The following TAFA1 variants were observed in gnomAD, a reference collection of about 807,000 sequenced individuals.
The protein encoded by TAFA1 is chemokine-like protein TAFA-1.
In TAFA1, 4 loss-of-function variants were observed where a neutral mutation model predicts 18.5. That is an observed-to-expected ratio of 0.22 (90% CI 0.11 to 0.49). The LOEUF is 0.49. Ranked by LOEUF, TAFA1 falls within the 20% of genes least tolerant of loss-of-function variation. The pLI, the probability that TAFA1 is intolerant of heterozygous loss-of-function variation, is 0.98. For missense variants in TAFA1, 147 were observed against 169.0 expected, an observed-to-expected ratio of 0.87 and a Z score of 0.72; for synonymous variants, 56 against 55.2, an observed-to-expected ratio of 1.01 and a Z score of -0.06.
At chr3:68,338,352 G>C (rs2069012898) in intron 2 of TAFA1, among the ~76,000 whole-genome samples, 1 of 152,100 alleles carries the variant, frequency 6.6e-6, no homozygotes, top group Non-Finnish European at 1.5e-5. Flanking sequence ...AGGTGGTTTT[G>C]TTTTATTAGT....
intron 2 of TAFA1, among the ~76,000 whole-genome samples, chr3:68,302,663 G>C (rs947982865): frequency 6.6e-6 from 1 of 151,784 alleles, no homozygotes; most frequent in Non-Finnish European, 1.5e-5. Context: ...GGTATCGAAG[G>C]TGCTAACTAA....
intron 2 of TAFA1, among the ~76,000 whole-genome samples, chr3:68,088,246 C>T (rs2064993661): frequency 6.6e-6 from 1 of 152,182 alleles, no homozygotes; most frequent in South Asian, 2.1e-4. Context: ...ATATAGCAAT[C>T]ATACTGTCAG....
intron 2 of TAFA1, among the ~76,000 whole-genome samples, chr3:68,066,072 G>C (rs1456933865): frequency 6.6e-6 from 1 of 152,108 alleles, no homozygotes; most frequent in Non-Finnish European, 1.5e-5. Context: ...TTACTTGGGA[G>C]GGGGTTGGAT....
intron 2 of TAFA1, among the ~76,000 whole-genome samples, chr3:68,058,074 T>C (rs1227929571): frequency 1.3e-5 from 2 of 152,192 alleles, no homozygotes; most frequent in Non-Finnish European, 2.9e-5. Flanking sequence ...GTGTAAAGGA[T>C]GACAATCATC....
At chr3:68,069,031 G>A (rs1184274869) in intron 2 of TAFA1, among the ~76,000 whole-genome samples, 3 of 152,170 alleles carry the variant, frequency 2.0e-5, no homozygotes, top group Non-Finnish European at 4.4e-5. Flanking sequence ...TTTTTGGATG[G>A]TTTTAAGAAA....
chr3:68,141,013 C>A (rs1389958885), intron 2 of TAFA1, among the ~76,000 whole-genome samples: 3 of 152,148 alleles, frequency 2.0e-5, no homozygotes, highest in Non-Finnish European at 4.4e-5. Flanking sequence ...AATGACATGG[C>A]AGAAATTTTC....
chr3:68,130,523 A>G (rs940337585), intron 2 of TAFA1, among the ~76,000 whole-genome samples: 1 of 152,116 alleles, frequency 6.6e-6, no homozygotes, highest in African/African-American at 2.4e-5. Flanking sequence ...CAGTAATCAA[A>G]TTACTCTCCA....
chr3:68,512,848 T>C (rs929973549), intron 3 of TAFA1, among the ~76,000 whole-genome samples: 11 of 152,130 alleles, frequency 7.2e-5, no homozygotes, highest in Non-Finnish European at 1.6e-4. Context: ...AACTATTAAT[T>C]TAAACCTTGA....
chr3:68,386,465 G>A (rs2070106735), intron 2 of TAFA1, among the ~76,000 whole-genome samples: 3 of 152,170 alleles, frequency 2.0e-5, no homozygotes, highest in Middle Eastern at 3.4e-3. Flanking sequence ...TATTTGAAAA[G>A]TCCACATTTG....
intron 2 of TAFA1, among the ~76,000 whole-genome samples, chr3:68,007,020 C>G (rs1010363416): frequency 6.6e-6 from 1 of 152,160 alleles, no homozygotes; most frequent in Non-Finnish European, 1.5e-5. Context: ...TTTTTGGATG[C>G]TTTGGCCAAT....
At chr3:68,445,029 G>A (rs781402578) in intron 3 of TAFA1, among the ~76,000 whole-genome samples, 5 of 151,714 alleles carry the variant, frequency 3.3e-5, no homozygotes, top group Non-Finnish European at 5.9e-5. Context: ...AAAGAATATG[G>A]ACAGTTATCT....
At chr3:68,000,457 T>C (rs1430533662), upstream of TAFA1, among the ~76,000 whole-genome samples, 4 of 152,226 alleles carry the variant, frequency 2.6e-5, no homozygotes, top group Admixed American at 6.5e-5. Flanking sequence ...TTCTCCATCC[T>C]ATTCAAGGAT....
chr3:68,405,160 G>A (rs960161434), intron 2 of TAFA1, among the ~76,000 whole-genome samples: 2 of 152,044 alleles, frequency 1.3e-5, no homozygotes, highest in South Asian at 2.1e-4. Context: ...GAGTTTGTTT[G>A]TAATCACCAC....
intron 3 of TAFA1, among the ~76,000 whole-genome samples, chr3:68,438,861 A>T (rs2071312892): frequency 6.6e-6 from 1 of 152,110 alleles, no homozygotes; most frequent in Non-Finnish European, 1.5e-5. Context: ...AGCCACAGCT[A>T]GGATGGCCAC....
intron 2 of TAFA1, among the ~76,000 whole-genome samples, chr3:68,096,699 T>A (rs2106808254): frequency 6.6e-6 from 1 of 152,242 alleles, no homozygotes; most frequent in South Asian, 2.1e-4. Context: ...ACAGGCTAAG[T>A]TAACACCTAT....
chr3:68,529,491 A>T (rs2073158120), intron 3 of TAFA1, among the ~76,000 whole-genome samples: 1 of 148,770 alleles, frequency 6.7e-6, no homozygotes, highest in Non-Finnish European at 1.5e-5. Flanking sequence ...TGCTTTCAAG[A>T]ACTTCCATAG....
At chr3:68,069,066 A>G (rs2064719240) in intron 2 of TAFA1, among the ~76,000 whole-genome samples, 1 of 152,194 alleles carries the variant, frequency 6.6e-6, no homozygotes, top group Admixed American at 6.5e-5. Flanking sequence ...TTTTTAATAC[A>G]TATGCTGGAA....
At chr3:68,354,604 A>G (rs989181130) in intron 2 of TAFA1, among the ~76,000 whole-genome samples, 1 of 152,026 alleles carries the variant, frequency 6.6e-6, no homozygotes, top group Non-Finnish European at 1.5e-5. Flanking sequence ...TAAATAACTG[A>G]CTTAGTTCAT....
At chr3:68,337,462 G>A (rs1411184542) in intron 2 of TAFA1, among the ~76,000 whole-genome samples, 2 of 152,048 alleles carry the variant, frequency 1.3e-5, no homozygotes, top group African/African-American at 2.4e-5. Flanking sequence ...ATGAGATTTG[G>A]GCAAGGACAC....
Sources: gnomAD v4.1 joint callset for allele counts (sites outside exome capture counted in the v4.1 genomes callset) on GRCh38, gnomAD v4.1.1 for gene constraint, MANE v1.5 for transcripts, NCBI Gene and HGNC (gene_info 2026-07-23, HGNC 2026-07-21) for gene names.